LRPPRC: variants seen among roughly 807,000 people sequenced by gnomAD.
LRPPRC encodes leucine rich pentatricopeptide repeat containing.
In LRPPRC, 120 loss-of-function variants were observed where a neutral mutation model predicts 180.3. The ratio of observed to expected loss-of-function variants is 0.67; its 90% confidence interval spans 0.57 to 0.77. The LOEUF is 0.77. LRPPRC is among the 30% of genes least tolerant of loss of function. The pLI is 0.00. For missense variants in LRPPRC, 2,012 were observed against 1,657.2 expected (o/e 1.21, Z -3.72); for synonymous variants, 723 against 600.0 (o/e 1.21, Z -3.00).
At chr2:43,956,315 T>C (rs959711143) in intron 14 of LRPPRC, among the ~76,000 whole-genome samples, 1 of 152,176 alleles carries the variant, frequency 6.6e-6, no homozygotes, top group Non-Finnish European at 1.5e-5. Context: ...AATCTGAACA[T>C]GGACTACATA....
rs777777942 is a variant in LRPPRC, at chr2:43,976,218, C to A, written c.662G>T (p.Gly221Val). ...TGGGAGATCCTTAGTTTTCATAAATCCAAGAATCTTGCTGCAAAGGAAAAA... is the reference window on the plus strand; with the variant it reads ...TGGGAGATCCTTAGTTTTCATAAATACAAGAATCTTGCTGCAAAGGAAAAA... ...GDIEGASKIL[G>V]FMKTKDLPVT... The change falls in exon 6 of 38, where the codon GGA becomes GTA. Residue 221 changes from glycine to valine, a missense_variant. Transcript: ENST00000260665. 1 of 1,605,378 alleles carries A rather than the reference C, an allele frequency of 6.2e-7. No individual in the cohort carries two copies. The highest frequency in any genetic ancestry group is 2.2e-5 in the East Asian group (1 of 44,814).
intron 3 of LRPPRC, among the ~76,000 whole-genome samples, chr2:43,978,539 G>A (rs1276964332): frequency 6.6e-6 from 1 of 151,930 alleles, no homozygotes. Context: ...ATTTCTCCCA[G>A]TTCAATGACT....
intron 36 of LRPPRC, chr2:43,890,366 T>C (rs1023440353): frequency 6.4e-6 from 3 of 470,118 alleles, no homozygotes; most frequent in South Asian, 1.6e-5. Context: ...CATTTTTCTA[T>C]TGTAAAATAA....
chr2:43,910,257 A>G (rs1408166472), intron 30 of LRPPRC, among the ~76,000 whole-genome samples: 56 of 149,982 alleles, frequency 3.7e-4, no homozygotes, highest in African/African-American at 1.2e-3. Flanking sequence ...TTTTTGAGAC[A>G]GAGTCTTGCT....
chr2:43,930,123 C>T (rs562817165), intron 25 of LRPPRC, among the ~76,000 whole-genome samples: 2 of 152,088 alleles, frequency 1.3e-5, no homozygotes, highest in African/African-American at 4.8e-5. Flanking sequence ...CACTGGAATC[C>T]AAGCTTTTGG....
chr2:43,894,491 TTAAATAA>T, intron 36 of LRPPRC, 47 bp downstream of exon 36: 1 of 895,158 alleles, frequency 1.1e-6, no homozygotes, highest in Non-Finnish European at 1.9e-6. Flanking sequence ...ATATAGTCAC[TTAAATAA>T]TAAAGCCATT....
Position 43,948,193 on chromosome 2 carries a change from T to C in LRPPRC, c.1849A>G (p.Lys617Glu), listed in dbSNP as rs1383689654. The change falls in exon 18 of 38, where the codon AAA becomes GAA. Residue 617 changes from lysine to glutamate, a missense_variant. Coordinates refer to ENST00000260665, the MANE Select transcript of LRPPRC (RefSeq NM_133259.4). ...YFHQLEKMNV[K>E]IPENIYRGIR... ...CCTCTGTAGATATTTTCAGGAATTT[T>C]TACATTCTGTGAGAAGGGAAGGGAG... is the stretch of plus-strand genomic sequence containing the variant. 3 of 1,591,044 alleles carry C rather than the reference T, an allele frequency of 1.9e-6. No homozygotes were observed. The highest frequency in any genetic ancestry group is 3.3e-4 in the Middle Eastern group (2 of 6,010).
intron 1 of LRPPRC, among the ~76,000 whole-genome samples, chr2:43,984,139 T>C (rs931832002): frequency 2.0e-5 from 3 of 152,076 alleles, no homozygotes; most frequent in Admixed American, 6.6e-5. Context: ...CAGTTGTTAC[T>C]AAACTATCCC....
intron 5 of LRPPRC, 28 bp from the exon 6 acceptor site, chr2:43,976,257 T>C (rs971829101): frequency 4.8e-6 from 6 of 1,238,702 alleles, no homozygotes; most frequent in Non-Finnish European, 7.2e-6. Flanking sequence ...AGATACTCAT[T>C]GAAAGTATTT....
intron 13 of LRPPRC, among the ~76,000 whole-genome samples, chr2:43,960,290 T>C (rs773607670): frequency 6.6e-5 from 10 of 152,160 alleles, no homozygotes; most frequent in Middle Eastern, 3.2e-3. Context: ...TTATAAAGAA[T>C]ATCCACGTCT....
intron 25 of LRPPRC, among the ~76,000 whole-genome samples, chr2:43,930,491 G>C (rs1292972613): frequency 6.6e-6 from 1 of 152,148 alleles, no homozygotes; most frequent in Non-Finnish European, 1.5e-5. Flanking sequence ...TTTACTGGTT[G>C]AACATCCCAA....
Position 43,969,620 on chromosome 2 carries a change from T to A in LRPPRC, c.1369+3987A>T, listed in dbSNP as rs145393059. 9.3e-4 allele frequency among the ~76,000 whole-genome samples: 142 copies of A among 152,224 alleles called. 1 individual carries two copies. Among genetic ancestry groups the A allele is most frequent in the Middle Eastern group, 6.8e-3 (2 of 294 alleles). On this transcript the variant is annotated intron_variant, in intron 11 of 37. Transcript: ENST00000260665. ...GCTCCCCACTTAACTCTCAGGGTAG[T>A]CACTAAATTTAAAGGAAAAAATATG...
In LRPPRC at chr2:43,888,448, CAG is replaced by C. The variant is rs1251360541; in HGVS notation, c.*150_*151del. ...CAAAAATGTCCAATAACCAAGTGCACAGAGTTATGGTCAATAAGACTTTGAAC... is the reference window on the plus strand; with the variant it reads ...CAAAAATGTCCAATAACCAAGTGCACAGTTATGGTCAATAAGACTTTGAAC... On this transcript the variant is annotated 3_prime_UTR_variant, in exon 38 of 38. Coordinates refer to ENST00000260665, the MANE Select transcript of LRPPRC (RefSeq NM_133259.4). The C allele has an allele frequency of 5.0e-6, 3 of 596,964 alleles. No individual in the cohort carries two copies. The highest frequency in any genetic ancestry group is 9.1e-6 in the Non-Finnish European group (3 of 330,226). The allele number at this position is 596,964 out of a possible 1,614,324, so 37.0% of individuals were successfully genotyped here.
chr2:43,940,440 A>G (rs1672437408), intron 23 of LRPPRC, among the ~76,000 whole-genome samples: 2 of 152,190 alleles, frequency 1.3e-5, no homozygotes, highest in South Asian at 4.1e-4. Flanking sequence ...TCTTAGAGAA[A>G]TTGTGACCTT....
At chr2:43,947,643 G>T in intron 19 of LRPPRC, 88 bp downstream of exon 19, 1 of 843,316 alleles carries the variant, frequency 1.2e-6, no homozygotes, top group Non-Finnish European at 2.1e-6. Context: ...AAAATGTGAG[G>T]AATCACTGGT....
intron 23 of LRPPRC, among the ~76,000 whole-genome samples, chr2:43,936,350 A>G (rs1366420347): frequency 6.6e-6 from 1 of 152,242 alleles, no homozygotes; most frequent in African/African-American, 2.4e-5. Flanking sequence ...GCAATTTGGA[A>G]TAAGAAATTA....
chr2:43,977,611 G>A (rs1417016793), intron 3 of LRPPRC, among the ~76,000 whole-genome samples: 5 of 152,138 alleles, frequency 3.3e-5, no homozygotes. Context: ...TCTATATAAA[G>A]CAGTCCTCAC....
chr2:43,889,811 A>G lies in LRPPRC; in HGVS notation c.4051T>C (p.Leu1351=), dbSNP rs1572883165. ...YEHLTAKNTK[L]DDLFLKRYAS... is the part of the protein sequence containing the mutation. ...TAACGCTTTAGAAACAGATCATCCA[A>G]TTTTGTATTCTTTGCAGTCAAATGT... Residue 1351 remains leucine, a synonymous_variant, in exon 37 of 38, where the codon TTG becomes CTG. Coordinates refer to ENST00000260665, the MANE Select transcript of LRPPRC (RefSeq NM_133259.4). 1.2e-6 allele frequency: 2 copies of G among 1,610,488 alleles called. No homozygotes were observed. Among genetic ancestry groups the G allele is most frequent in the Non-Finnish European group, 1.7e-6 (2 of 1,176,656 alleles).
intron 1 of LRPPRC, among the ~76,000 whole-genome samples, chr2:43,984,705 G>C (rs1366415584): frequency 6.6e-6 from 1 of 152,144 alleles, no homozygotes; most frequent in African/African-American, 2.4e-5. Flanking sequence ...AGAAAGAACA[G>C]AACAAGTCCA....
Sources: allele counts gnomAD v4.1 joint callset (sites outside exome capture counted in the v4.1 genomes callset), GRCh38; gene constraint gnomAD v4.1.1; transcripts MANE v1.5; gene names NCBI Gene and HGNC (gene_info 2026-07-23, HGNC 2026-07-21).